The following CNTN1 variants were observed in gnomAD, a reference collection of about 807,000 sequenced individuals.
CNTN1 encodes contactin-1.
Under a neutral mutation model 126.4 loss-of-function variants are expected in CNTN1, and 38 were observed. The ratio of observed to expected loss-of-function variants is 0.30; its 90% CI spans 0.23 to 0.39. The LOEUF is 0.39. Among genes scored for constraint, CNTN1 ranks in the 10% least tolerant of loss-of-function variants. The probability of loss-of-function intolerance (pLI) is 1.00; values close to 1 mark genes in which losing one functional copy is unlikely to be tolerated. For synonymous variants in CNTN1, 413 were observed against 422.6 expected, an observed-to-expected ratio of 0.98 and a Z score of 0.28; for missense variants, 1,009 against 1,248.4, an observed-to-expected ratio of 0.81 and a Z score of 2.89.
At chr12:40,930,852 G>C (rs965472434) in intron 7 of CNTN1, among the ~76,000 whole-genome samples, 4 of 151,808 alleles carry the variant, frequency 2.6e-5, no homozygotes, top group African/African-American at 9.7e-5. Context: ...AAAAAATATT[G>C]TTGACTTTCT....
At chr12:40,896,262 A>G (rs1565900728) in intron 1 of CNTN1, among the ~76,000 whole-genome samples, 1 of 152,188 alleles carries the variant, frequency 6.6e-6, no homozygotes, top group Non-Finnish European at 1.5e-5. Context: ...TTAAGCCCCA[A>G]TAGGAATATA....
intron 1 of CNTN1, among the ~76,000 whole-genome samples, chr12:40,869,253 T>C (rs1943407541): frequency 6.6e-6 from 1 of 150,388 alleles, no homozygotes; most frequent in Admixed American, 6.7e-5. Context: ...GACAGGATAC[T>C]AGATCCATCA....
chr12:40,713,998 G>A (rs75107651), intron 1 of CNTN1, among the ~76,000 whole-genome samples: 1,652 of 152,094 alleles, frequency 0.011, 31 homozygotes, highest in African/African-American at 0.037. Context: ...GGATTCTGCC[G>A]ATCACTGGAA....
chr12:40,731,145 T>C (rs185069097), intron 1 of CNTN1, among the ~76,000 whole-genome samples: 54 of 152,216 alleles, frequency 3.5e-4, no homozygotes, highest in African/African-American at 1.3e-3. Flanking sequence ...TTTAATTTAA[T>C]ATTTGTTCTT....
chr12:41,008,440 C>T (rs545056766), intron 17 of CNTN1, among the ~76,000 whole-genome samples: 7 of 152,224 alleles, frequency 4.6e-5, no homozygotes, highest in African/African-American at 1.4e-4. Context: ...TATATACCCC[C>T]GTTGCTTTGC....
chr12:40,858,437 A>G (rs1942994608), intron 1 of CNTN1, among the ~76,000 whole-genome samples: 1 of 152,186 alleles, frequency 6.6e-6, no homozygotes, highest in African/African-American at 2.4e-5. Context: ...AATCAAAACC[A>G]CAATGAGATA....
At chr12:40,698,228 A>ATTTTTTTTTTTTTTTTT (rs35570862) in intron 1 of CNTN1, among the ~76,000 whole-genome samples, 20 of 69,866 alleles carry the variant, frequency 2.9e-4, no homozygotes, top group African/African-American at 1.1e-3. Flanking sequence ...CAGCCACTTA[A>ATTTTTTTTTTTTTTTTT]TTTTTTTTTT....
intron 1 of CNTN1, among the ~76,000 whole-genome samples, chr12:40,712,492 C>T (rs376869296): frequency 3.8e-4 from 57 of 151,984 alleles, no homozygotes; most frequent in African/African-American, 1.4e-3. Flanking sequence ...TGTCATCTGC[C>T]TTGAGAAGCA....
chr12:41,034,771 C>T (rs1463209039), intron 23 of CNTN1, among the ~76,000 whole-genome samples: 1 of 152,312 alleles, frequency 6.6e-6, no homozygotes, highest in African/African-American at 2.4e-5. Context: ...CACTCAAAGC[C>T]TTGCCTAACC....
intron 1 of CNTN1, among the ~76,000 whole-genome samples, chr12:40,867,017 AC>A (rs5797691): frequency 0.17 from 25,948 of 152,070 alleles, 3,529 homozygotes; most frequent in African/African-American, 0.38. Context: ...TGTGGTCCAC[AC>A]CTAACTGCAA....
intron 1 of CNTN1, among the ~76,000 whole-genome samples, chr12:40,782,289 C>T (rs1053303996): frequency 6.6e-6 from 1 of 151,562 alleles, no homozygotes; most frequent in South Asian, 2.1e-4. Context: ...GAACCATTAA[C>T]AGGCTTTGAA....
At chr12:40,734,809 A>G (rs1174353784) in intron 1 of CNTN1, among the ~76,000 whole-genome samples, 1 of 152,116 alleles carries the variant, frequency 6.6e-6, no homozygotes, top group African/African-American at 2.4e-5. Flanking sequence ...TGTATTTACA[A>G]ATGGAGAACC....
intron 23 of CNTN1, among the ~76,000 whole-genome samples, chr12:41,057,018 ATGATATTTATAAATAT>A (rs1266779548): frequency 1.6e-5 from 1 of 63,224 alleles, no homozygotes; most frequent in Non-Finnish European, 2.7e-5. Flanking sequence ...ATATTTATAA[ATGATATTTATAAATAT>A]TATAAATATT....
At chr12:41,029,250 T>G in intron 23 of CNTN1, 31 bp downstream of exon 23, 3 of 1,612,672 alleles carry the variant, frequency 1.9e-6, no homozygotes, top group Non-Finnish European at 2.5e-6. Context: ...ACATTTCAAC[T>G]AAGTACTTGT....
chr12:40,820,222 C>G (rs1941402658), intron 1 of CNTN1, among the ~76,000 whole-genome samples: 1 of 152,168 alleles, frequency 6.6e-6, no homozygotes, highest in Non-Finnish European at 1.5e-5. Flanking sequence ...TAACAACCAG[C>G]TCTTGTGGGA....
chr12:41,033,404 GAATATCAATTGA>G (rs1949187469), intron 23 of CNTN1, among the ~76,000 whole-genome samples: 1 of 151,988 alleles, frequency 6.6e-6, no homozygotes, highest in Non-Finnish European at 1.5e-5. Flanking sequence ...ATAAATTTTA[GAATATCAATTGA>G]CAAGGATCCT....
At chr12:41,027,388 A>G (rs1448450630) in intron 21 of CNTN1, among the ~76,000 whole-genome samples, 5 of 152,190 alleles carry the variant, frequency 3.3e-5, no homozygotes, top group African/African-American at 4.8e-5. Flanking sequence ...CCAGCTAAGC[A>G]TGAATAATGG....
intron 1 of CNTN1, among the ~76,000 whole-genome samples, chr12:40,730,384 G>A (rs1400214985): frequency 6.6e-6 from 1 of 152,190 alleles, no homozygotes; most frequent in East Asian, 1.9e-4. Context: ...AGGATGATGG[G>A]GAAAGAGTTC....
In CNTN1 at chr12:41,035,293, G is replaced by T. The variant is rs1484060699; in HGVS notation, c.2980+6074G>T. On this transcript the variant is annotated intron_variant, in intron 23 of 23. Coordinates refer to ENST00000551295, the MANE Select transcript of CNTN1 (RefSeq NM_001843.4). The stretch of plus-strand genomic sequence containing the variant: ...TTCTACCAGAATAATTTTCATTAAT[G>T]AAATAAAGTCTTAGCCTCCAGAGTT... 2.6e-5 allele frequency among the ~76,000 whole-genome samples: 4 copies of T among 152,168 alleles called. No individual in the cohort carries two copies. In the South Asian group the frequency reaches 8.3e-4, roughly 31 times the overall value.
Sources: allele counts gnomAD v4.1 joint callset (sites outside exome capture counted in the v4.1 genomes callset), GRCh38; gene constraint gnomAD v4.1.1; transcripts MANE v1.5; gene names NCBI Gene and HGNC (gene_info 2026-07-23, HGNC 2026-07-21).